ACACA: variants seen among roughly 807,000 people sequenced by gnomAD.
The protein encoded by ACACA is acetyl-CoA carboxylase alpha, also known as acetyl-CoA carboxylase 1.
ACACA carries 103 observed loss-of-function variants against 296.1 expected under a neutral mutation model. The observed-to-expected ratio is 0.35, with a 90% CI of 0.30 to 0.41. The LOEUF is 0.41. Among genes scored for constraint, ACACA ranks in the 10% least tolerant of loss-of-function variants. ACACA has a pLI of 1.00. For synonymous variants in ACACA, 953 were observed against 1,038.6 expected (o/e 0.92, Z 1.58); for missense variants, 1,554 against 2,989.7 (o/e 0.52, Z 11.20).
chr17:37,388,802 T>C (rs1231610686), intron 1 of ACACA: 2 of 1,612,846 alleles, frequency 1.2e-6, no homozygotes, highest in Admixed American at 3.3e-5. Context: ...CCTGTAAGTT[T>C]GCTGTTGTAT....
At position 37,160,211 on chromosome 17, in the gene ACACA, T is replaced by C. The variant is rs183124878; in HGVS notation, c.5349+1570A>G. On this transcript the variant is annotated intron_variant, in intron 42 of 55. Coordinates refer to ENST00000616317, the MANE Select transcript of ACACA (RefSeq NM_198834.3). ...TTGTATGCTAAAAGGGCTGATACAG[T>C]ACAGAGGGAAAAAGTGCTGATGCAC... Among the ~76,000 whole-genome samples the C allele has an allele frequency of 2.6e-5, 4 of 152,154 alleles. No individual in the cohort carries two copies. The East Asian group carries it at 7.7e-4, about 29-fold the overall frequency.
chr17:37,178,761 A>G (rs1159820757), intron 41 of ACACA, among the ~76,000 whole-genome samples: 1 of 152,216 alleles, frequency 6.6e-6, no homozygotes, highest in Non-Finnish European at 1.5e-5. Flanking sequence ...AGATTGAGCC[A>G]CTGCACTCCA....
rs780818401 is a variant in ACACA, at chr17:37,283,362, C to T, written c.515G>A (p.Arg172Gln). The T allele has an allele frequency of 1.1e-5, 18 of 1,613,882 alleles. No individual in the cohort carries two copies. The highest frequency in any genetic ancestry group is 2.7e-5 in the African/African-American group (2 of 74,856). ...TTCATAAGACCACCTACGGATAGAC[C>T]GCATGCATTTCACTGCTGCAATGCC... ...NNGIAAVKCMRSIRRWSYEMF... is the reference protein window; with the variant it reads ...NNGIAAVKCMQSIRRWSYEMF... Residue 172 changes from arginine to glutamine, a missense_variant, in exon 5 of 56, where the codon CGG (arginine) becomes CAG (glutamine). Physicochemically the swap from Arg to Gln is conservative, Grantham distance 43. Transcript: ENST00000616317.
chr17:37,244,333 T>A (rs1455336084), intron 21 of ACACA, among the ~76,000 whole-genome samples: 1 of 151,128 alleles, frequency 6.6e-6, no homozygotes, highest in Non-Finnish European at 1.5e-5. Flanking sequence ...GCCATTGCAC[T>A]CCAGCCTGGG....
intron 19 of ACACA, among the ~76,000 whole-genome samples, chr17:37,245,516 T>G (rs139200251): frequency 1.3e-5 from 2 of 152,340 alleles, no homozygotes; most frequent in African/African-American, 4.8e-5. Context: ...CAATTTAATA[T>G]CCTCATACCA....
At chr17:37,315,104 A>G (rs887399675) in intron 3 of ACACA, among the ~76,000 whole-genome samples, 1 of 151,768 alleles carries the variant, frequency 6.6e-6, no homozygotes, top group African/African-American at 2.4e-5. Flanking sequence ...GATTACAAGA[A>G]TGTGCCACCA....
At chr17:37,304,488 A>C (rs2083774004) in intron 3 of ACACA, among the ~76,000 whole-genome samples, 1 of 152,162 alleles carries the variant, frequency 6.6e-6, no homozygotes, top group Admixed American at 6.5e-5. Flanking sequence ...CATTGTTGTC[A>C]TGCTTAAAAA....
At chr17:37,193,547 C>G (rs1457277858) in intron 35 of ACACA, 132 bp from the exon 36 acceptor site, 2 of 673,022 alleles carry the variant, frequency 3.0e-6, no homozygotes, top group Non-Finnish European at 5.2e-6. Flanking sequence ...TAAGCTTAGT[C>G]CAGGAAATAT....
rs564202937 is a variant in ACACA at position 37,163,585 on chromosome 17, CCTTGTACTGTCCTCTAGCATTTGATAG to C, written c.5080-1562_5080-1536del. On this transcript the variant is annotated intron_variant, in intron 41 of 55. Transcript: ENST00000616317. ...CTGTACACTTTTCATGATCCAGGCT[CCTTGTACTGTCCTCTAGCATTTGATAG>C]GAATAACAGAAACACTCTTTACTGA... 2.6e-5 allele frequency among the ~76,000 whole-genome samples: 4 copies of C among 152,288 alleles called. No homozygotes were observed. The East Asian group carries it at 7.7e-4, about 29-fold the overall frequency.
At chr17:37,156,686 C>CGTAT (rs1217147736) in intron 42 of ACACA, among the ~76,000 whole-genome samples, 1 of 152,198 alleles carries the variant, frequency 6.6e-6, no homozygotes, top group Non-Finnish European at 1.5e-5. Context: ...TGTATCTATA[C>CGTAT]ACACAGCCAC....
intron 1 of ACACA, among the ~76,000 whole-genome samples, chr17:37,357,028 T>C (rs2049174462): frequency 6.6e-6 from 1 of 152,334 alleles, no homozygotes; most frequent in South Asian, 2.1e-4. Flanking sequence ...GAGGTCAACA[T>C]CAGATGAGAG....
At chr17:37,198,724 G>C (rs2078115394) in intron 35 of ACACA, among the ~76,000 whole-genome samples, 1 of 152,148 alleles carries the variant, frequency 6.6e-6, no homozygotes, top group South Asian at 2.1e-4. Context: ...AAGCATTTCA[G>C]AAAATCTTAG....
chr17:37,266,467 TAAAAA>T (rs375178618), intron 10 of ACACA, among the ~76,000 whole-genome samples: 1 of 139,206 alleles, frequency 7.2e-6, no homozygotes, highest in African/African-American at 2.6e-5. Context: ...CTGAAAGCAT[TAAAAA>T]AAAAAAAAAG....
chr17:37,252,854 A>G (rs1168783996), intron 15 of ACACA, 32 bp downstream of exon 15: 1 of 1,613,614 alleles, frequency 6.2e-7, no homozygotes, highest in Non-Finnish European at 8.5e-7. Context: ...TAAAAACCCA[A>G]TCCCAGCATC....
chr17:37,187,637 TCA>T (rs1253690757), intron 39 of ACACA, among the ~76,000 whole-genome samples: 2 of 152,262 alleles, frequency 1.3e-5, no homozygotes, highest in Non-Finnish European at 2.9e-5. Context: ...TTTTACATTC[TCA>T]GTTTTCCTAC....
chr17:37,202,804 T>C (rs2078325758), intron 33 of ACACA, among the ~76,000 whole-genome samples: 1 of 149,460 alleles, frequency 6.7e-6, no homozygotes, highest in Non-Finnish European at 1.5e-5. Flanking sequence ...TTCTCTATGC[T>C]TAGAGTGTCA....
Position 37,246,849 on chromosome 17 carries a change from C to G in ACACA, c.2437G>C (p.Gly813Arg). The G allele has an allele frequency of 6.2e-7, 1 of 1,613,980 alleles. No homozygotes were observed. Among genetic ancestry groups the G allele is most frequent in the Non-Finnish European group, 8.5e-7 (1 of 1,180,024 alleles). ...ACCTCAATCTCAGCATAGCACTGGCCGGCAAACACATGACCTCCATCTTCT... is the reference window on the plus strand; with the variant it reads ...ACCTCAATCTCAGCATAGCACTGGCGGGCAAACACATGACCTCCATCTTCT... ...IVEDGGHVFA[G>R]QCYAEIEVMK... The change falls in exon 19 of 56, where the codon GGC becomes CGC. Residue 813 changes from glycine (G) to arginine (R), a missense_variant. By Grantham distance (125) the Gly-to-Arg change is moderately radical. This residue lies in a region of ACACA where 316 missense variants were observed against 540.9 expected (regional missense o/e 0.58). Transcript: ENST00000616317.
chr17:37,388,361 T>C (rs1157977116), intron 1 of ACACA, among the ~76,000 whole-genome samples: 2 of 152,178 alleles, frequency 1.3e-5, no homozygotes, highest in African/African-American at 4.8e-5. Flanking sequence ...GCTCCATGTG[T>C]ACCCGAGATT....
At chr17:37,349,425 CATATATCTTACATATAGATAAG>C (rs2048788599) in intron 1 of ACACA, among the ~76,000 whole-genome samples, 5 of 146,838 alleles carry the variant, frequency 3.4e-5, no homozygotes, top group South Asian at 4.2e-4. Flanking sequence ...ATTATATATA[CATATATCTTACATATAGATAAG>C]ATATATCTTA....
Sources: gnomAD v4.1 joint callset for allele counts (sites outside exome capture counted in the v4.1 genomes callset) on GRCh38, gnomAD v4.1.1 for gene constraint, gnomAD v4.1.1 regional missense constraint, MANE v1.5 for transcripts, NCBI Gene and HGNC (gene_info 2026-07-23, HGNC 2026-07-21) for gene names.